Variants in AGPS observed in about 807,000 individuals in gnomAD.
AGPS encodes the protein alkyldihydroxyacetonephosphate synthase, peroxisomal.
A neutral mutation model predicts 90.7 loss-of-function variants in AGPS; 26 were observed. The ratio of observed to expected loss-of-function variants is 0.29; its 90% CI spans 0.21 to 0.40. AGPS has a LOEUF of 0.40. Among genes scored for constraint, AGPS ranks in the 10% least tolerant of loss-of-function variants. AGPS has a pLI of 1.00. For synonymous variants in AGPS, 294 were observed against 285.3 expected (o/e 1.03, Z -0.31); for missense variants, 540 against 816.1 (o/e 0.66, Z 4.12).
rs112826149 is a variant in AGPS at position 177,392,862 on chromosome 2, C to T, written c.73C>T (p.Arg25Trp). Residue 25 changes from arginine (R) to tryptophan (W), a missense_variant, in exon 1 of 20, where the codon CGG (arginine) becomes TGG (tryptophan). Physicochemically the swap from Arg to Trp is moderately radical, Grantham distance 101 (BLOSUM62 -3). Transcript: ENST00000264167. The part of the protein sequence containing the change: ...AGASYGSAAD[R>W]DRDPDPDRAG... Reference sequence around the variant, plus strand: ...CGCGAGCTACGGGTCTGCAGCGGACCGGGACCGGGACCCGGACCCGGACCG... The same window carrying T: ...CGCGAGCTACGGGTCTGCAGCGGACTGGGACCGGGACCCGGACCCGGACCG... 70 of 1,552,982 alleles carry T rather than the reference C, an allele frequency of 4.5e-5. No individual in the cohort carries two copies. Among genetic ancestry groups the T allele is most frequent in the Non-Finnish European group, 5.7e-5 (66 of 1,152,206 alleles).
intron 16 of AGPS, among the ~76,000 whole-genome samples, chr2:177,510,093 C>T (rs903920446): frequency 5.3e-5 from 8 of 152,186 alleles, no homozygotes; most frequent in Non-Finnish European, 1.2e-4. Context: ...GGTATCTTAG[C>T]CAGTTTGGCC....
At chr2:177,526,540 G>A (rs1215979529) in intron 19 of AGPS, among the ~76,000 whole-genome samples, 1 of 152,090 alleles carries the variant, frequency 6.6e-6, no homozygotes, top group Non-Finnish European at 1.5e-5. Context: ...ACCTTTTAAT[G>A]TTGTATAATC....
At chr2:177,495,745 T>TAAAA (rs375905234) in intron 12 of AGPS, among the ~76,000 whole-genome samples, 3 of 140,172 alleles carry the variant, frequency 2.1e-5, no homozygotes, top group Non-Finnish European at 3.1e-5. Context: ...CTGTCTCTAC[T>TAAAA]AAAAAAAAAA....
At chr2:177,505,616 G>A (rs372567864) in intron 15 of AGPS, 41 bp downstream of exon 15, 129 of 1,540,944 alleles carry the variant, frequency 8.4e-5, no homozygotes, top group Non-Finnish European at 1.1e-4. Flanking sequence ...AATTTATGTT[G>A]CAAACAATAC....
chr2:177,539,383 T>C lies in AGPS; in HGVS notation c.*1188T>C, dbSNP rs1158589964. ...AAATAATGAGAACATTAATCACATT[T>C]AGCAAGCATTTGTACATTCAAACCT... On this transcript the variant is annotated 3_prime_UTR_variant, in exon 20 of 20. Coordinates refer to ENST00000264167, the MANE Select transcript of AGPS (RefSeq NM_003659.4). 1 of 152,058 alleles carries C rather than the reference T, an allele frequency of 6.6e-6. No individual in the cohort carries two copies. Among genetic ancestry groups the C allele is most frequent in the Non-Finnish European group, 1.5e-5 (1 of 67,930 alleles). 9.4% of individuals were successfully genotyped at this position (152,058 alleles called of 1,614,324 possible). A position where few individuals can be genotyped will look rare whatever the true frequency, so the allele number is the denominator to read the frequency against.
chr2:177,393,536 G>A (rs1461176971), intron 1 of AGPS: 2 of 985,206 alleles, frequency 2.0e-6, no homozygotes, highest in African/African-American at 3.5e-5. Context: ...GTTTCTGTGG[G>A]GTAAGTTCCA....
chr2:177,520,414 T>C lies in AGPS; in HGVS notation c.1698-855T>C, dbSNP rs757509519. ...TGTTTGCATGTCCATATGTATTCTA[T>C]GCATTTCATGTTCCTATCCTCAGCA... On this transcript the variant is annotated intron_variant, in intron 17 of 19. Coordinates refer to ENST00000264167, the MANE Select transcript of AGPS (RefSeq NM_003659.4). Among the ~76,000 whole-genome samples the C allele has an allele frequency of 4.5e-4, 68 of 152,354 alleles. 1 individual carries two copies. The highest frequency in any genetic ancestry group is 2.3e-3 in the South Asian group (11 of 4,834).
At position 177,408,157 on chromosome 2, in the gene AGPS, G is replaced by A. The variant is rs12474708; in HGVS notation, c.261-12112G>A. Among the ~76,000 whole-genome samples, 5 of 152,222 alleles carry A rather than the reference G, an allele frequency of 3.3e-5. No individual in the cohort carries two copies. The South Asian group carries it at 8.3e-4, about 25-fold the overall frequency. On this transcript the variant is annotated intron_variant, in intron 1 of 19. Transcript: ENST00000264167. ...AGAACCCAAAAAGTGTAGAACATCAGCAGTTTCTCGTACTGTGTTTTAGGC... is the reference window on the plus strand; with the variant it reads ...AGAACCCAAAAAGTGTAGAACATCAACAGTTTCTCGTACTGTGTTTTAGGC...
Position 177,524,322 on chromosome 2 carries a change from C to T in AGPS, c.1855+517C>T, listed in dbSNP as rs138955119. On this transcript the variant is annotated intron_variant, in intron 19 of 19. Coordinates refer to ENST00000264167, the MANE Select transcript of AGPS (RefSeq NM_003659.4). ...ACTTAGTGGTCATTTTGGTAAGTATCGAGTGTTGTCAGAATTTATCACATC... is the reference window on the plus strand; with the variant it reads ...ACTTAGTGGTCATTTTGGTAAGTATTGAGTGTTGTCAGAATTTATCACATC... Among the ~76,000 whole-genome samples, 180 of 152,142 alleles carry T rather than the reference C, an allele frequency of 1.2e-3. 2 individuals are homozygous for T. The East Asian group carries it at 0.032, about 27-fold the overall frequency.
At chr2:177,441,229 C>CTTA in intron 6 of AGPS, 193 bp downstream of exon 6, 1 of 550,778 alleles carries the variant, frequency 1.8e-6, no homozygotes, top group Non-Finnish European at 3.2e-6. Context: ...CATGGTATAC[C>CTTA]TTAGTTCATG....
intron 15 of AGPS, 89 bp downstream of exon 15, chr2:177,505,664 T>A: frequency 1.7e-6 from 2 of 1,198,520 alleles, no homozygotes; most frequent in Non-Finnish European, 2.4e-6. Context: ...GTCTTCCCTA[T>A]TTTTTAAAAT....
At chr2:177,517,616 C>CATT (rs1229075624) in intron 17 of AGPS, among the ~76,000 whole-genome samples, 1 of 151,944 alleles carries the variant, frequency 6.6e-6, no homozygotes, top group Non-Finnish European at 1.5e-5. Context: ...GGAGATGGGC[C>CATT]AATTGGAAAA....
At chr2:177,504,508 C>A (rs903252212) in intron 14 of AGPS, among the ~76,000 whole-genome samples, 6 of 152,094 alleles carry the variant, frequency 3.9e-5, no homozygotes, top group Non-Finnish European at 5.9e-5. Context: ...TATATCAAAT[C>A]TTTGCCACTT....
chr2:177,453,165 G>A (rs1197151831), intron 8 of AGPS, among the ~76,000 whole-genome samples: 6 of 151,928 alleles, frequency 3.9e-5, no homozygotes, highest in Admixed American at 3.9e-4. Context: ...GCAGTACAAA[G>A]ATGTTGCTCC....
At chr2:177,431,554 G>T (rs1490626939) in intron 2 of AGPS, among the ~76,000 whole-genome samples, 1 of 152,170 alleles carries the variant, frequency 6.6e-6, no homozygotes, top group East Asian at 1.9e-4. Context: ...TCAACTGCAT[G>T]AGACAGACAC....
At chr2:177,449,447 G>C (rs1686871260) in intron 8 of AGPS, among the ~76,000 whole-genome samples, 1 of 152,172 alleles carries the variant, frequency 6.6e-6, no homozygotes, top group South Asian at 2.1e-4. Context: ...TTTTGAGACA[G>C]TGTCTCATGC....
chr2:177,485,831 C>T (rs916869666), intron 11 of AGPS, among the ~76,000 whole-genome samples: 1 of 152,110 alleles, frequency 6.6e-6, no homozygotes, highest in African/African-American at 2.4e-5. Context: ...GTGAGAGGAT[C>T]CATTGAGCCC....
chr2:177,505,607 A>G, intron 15 of AGPS, 32 bp downstream of exon 15: 1 of 1,568,592 alleles, frequency 6.4e-7, no homozygotes, highest in Non-Finnish European at 8.8e-7. Context: ...TTGCCACTTA[A>G]TTTATGTTGC....
chr2:177,480,812 T>A (rs1314931575), intron 10 of AGPS, among the ~76,000 whole-genome samples: 1 of 152,014 alleles, frequency 6.6e-6, no homozygotes, highest in Non-Finnish European at 1.5e-5. Flanking sequence ...AATTTTGTAG[T>A]CTAAATTATG....
Sources: allele counts gnomAD v4.1 joint callset (sites outside exome capture counted in the v4.1 genomes callset), GRCh38; gene constraint gnomAD v4.1.1; transcripts MANE v1.5; gene names NCBI Gene and HGNC (gene_info 2026-07-23, HGNC 2026-07-21).